Variants in SLC30A3 observed in about 807,000 individuals in gnomAD.
The protein encoded by SLC30A3 is solute carrier family 30 member 3.
A neutral mutation model predicts 35.6 loss-of-function variants in SLC30A3; 20 were observed. The observed-to-expected ratio is 0.56, with a 90% CI of 0.39 to 0.82. SLC30A3 has a LOEUF of 0.82. Ranked by LOEUF, SLC30A3 falls within the 40% of genes least tolerant of loss-of-function variation. The pLI, the probability that SLC30A3 is intolerant of heterozygous loss-of-function variation, is 0.00. For synonymous variants in SLC30A3, 217 were observed against 224.7 expected (o/e 0.97, Z 0.31); for missense variants, 401 against 530.6 (o/e 0.76, Z 2.40).
chr2:27,273,348 G>A (rs975090880), intron 1 of SLC30A3, among the ~76,000 whole-genome samples: 1 of 152,288 alleles, frequency 6.6e-6, no homozygotes, highest in African/African-American at 2.4e-5. Context: ...GTAGGACAGT[G>A]GTTCCAGAAA....
intron 1 of SLC30A3, among the ~76,000 whole-genome samples, chr2:27,269,935 G>A (rs1276580293): frequency 6.6e-6 from 1 of 152,108 alleles, no homozygotes; most frequent in Non-Finnish European, 1.5e-5. Context: ...GACCCAGTAA[G>A]GGAAACAGCA....
intron 6 of SLC30A3, 132 bp from the exon 7 acceptor site, chr2:27,256,652 A>G (rs1572468172): frequency 7.3e-7 from 1 of 1,375,730 alleles, no homozygotes; most frequent in East Asian, 2.3e-5. Context: ...CCCTATGCCC[A>G]AATCCTTGTT....
At position 27,257,221 on chromosome 2, in the gene SLC30A3, A is replaced by C; in HGVS notation, c.710T>G (p.Val237Gly). 2.5e-6 allele frequency: 4 copies of C among 1,614,066 alleles called. No individual in the cohort carries two copies. Among genetic ancestry groups the C allele is most frequent in the Non-Finnish European group, 3.4e-6 (4 of 1,179,974 alleles). ...CTGCAGGAGGTCCCCCAGCACGTGC[A>C]CAAATGCCGCCCGGACGCTGGTGTT... is the stretch of plus-strand genomic sequence containing the variant. ...LGNTSVRAAF[V>G]HVLGDLLQSF... The change falls in exon 5 of 8, where the codon GTG (valine) becomes GGG (glycine). Residue 237 changes from valine to glycine, a missense_variant. This residue lies in a region of SLC30A3 where 296 missense variants were observed against 392.6 expected (regional missense o/e 0.75). Transcript: ENST00000233535. This position sits in a 1 kb window ranked among gnomAD's most constrained non-coding sequence, Gnocchi z 4.7.
At chr2:27,275,231 A>G (rs1343749201) in exon 1 of SLC30A3, 11 of 1,303,862 alleles carry the variant, frequency 8.4e-6, no homozygotes, top group Non-Finnish European at 1.1e-5. Flanking sequence ...GAGTTGGGCC[A>G]TCAAGATGGG....
upstream of SLC30A3, chr2:27,275,381 G>A (rs576384360): frequency 4.1e-4 from 174 of 423,394 alleles, no homozygotes; most frequent in African/African-American, 3.4e-3. Context: ...TAAGTCCCAG[G>A]GCCAATGTGG....
chr2:27,263,903 G>A (rs1677360345), upstream of SLC30A3: 4 of 520,680 alleles, frequency 7.7e-6, no homozygotes, highest in Admixed American at 4.8e-5. Context: ...GCGGGGCAGC[G>A]TGTCAGCTAG....
chr2:27,266,545 A>G (rs1470600670), upstream of SLC30A3, among the ~76,000 whole-genome samples: 1 of 152,172 alleles, frequency 6.6e-6, no homozygotes, highest in East Asian at 1.9e-4. Flanking sequence ...CTGGGTACAT[A>G]GAGAGTCACT....
Position 27,262,482 on chromosome 2 carries a change from G to C in SLC30A3, c.95+330C>G, listed in dbSNP as rs1321020544. ...CAATGCGGACCTTGGCGCACCGGGC[G>C]AGGGCTCCGGCCCGACCGAGCGGCA... On this transcript the variant is annotated intron_variant, in intron 1 of 7. Transcript: ENST00000233535. This position sits in a 1 kb window ranked among gnomAD's most constrained non-coding sequence, Gnocchi z 7.5. Among the ~76,000 whole-genome samples the C allele has an allele frequency of 2.0e-5, 3 of 152,002 alleles. No homozygotes were observed. Among genetic ancestry groups the C allele is most frequent in the African/African-American group, 7.2e-5 (3 of 41,418 alleles).
upstream of SLC30A3, chr2:27,263,896 G>A (rs1006102855): frequency 2.2e-5 from 11 of 504,192 alleles, no homozygotes; most frequent in African/African-American, 2.2e-4. Flanking sequence ...AGGGGCAGCG[G>A]GGCAGCGTGT....
intron 1 of SLC30A3, among the ~76,000 whole-genome samples, chr2:27,259,467 T>C (rs1345547793): frequency 1.3e-5 from 2 of 149,458 alleles, no homozygotes; most frequent in African/African-American, 2.5e-5. Flanking sequence ...CACTCCAGCC[T>C]GGCAACAGAG....
chr2:27,272,025 G>A (rs1049123047), intron 1 of SLC30A3, among the ~76,000 whole-genome samples: 1 of 152,174 alleles, frequency 6.6e-6, no homozygotes, highest in Non-Finnish European at 1.5e-5. Flanking sequence ...GGATGCAATC[G>A]CCTCTTGGGT....
Position 27,255,304 on chromosome 2 carries a change from G to T in SLC30A3, c.*8C>A. ...GGCCTGGCAGTGGGGTGAGGGCAGG[G>T]CCATGGCTCAGGCTTGGGGGGGTTC... On this transcript the variant is annotated 3_prime_UTR_variant, in exon 8 of 8. Transcript: ENST00000233535. This position sits in a 1 kb window ranked among gnomAD's most constrained non-coding sequence, Gnocchi z 5.2. The T allele has an allele frequency of 6.2e-7, 1 of 1,613,818 alleles. No homozygotes were observed. The highest frequency in any genetic ancestry group is 8.5e-7 in the Non-Finnish European group (1 of 1,179,918).
At chr2:27,264,892 G>A (rs769261986), upstream of SLC30A3, among the ~76,000 whole-genome samples, 3 of 152,204 alleles carry the variant, frequency 2.0e-5, no homozygotes, top group African/African-American at 2.4e-5. The surrounding 1 kb of genome is among the most constrained non-coding windows in gnomAD (Gnocchi z 6.1). Context: ...CTCTGGGTAC[G>A]TCGGGCCCGG....
upstream of SLC30A3, among the ~76,000 whole-genome samples, chr2:27,264,584 G>A (rs1018742392): frequency 2.6e-5 from 4 of 152,174 alleles, no homozygotes; most frequent in Non-Finnish European, 4.4e-5. This position sits in a 1 kb window ranked among gnomAD's most constrained non-coding sequence, Gnocchi z 6.1. Context: ...AGAGCCACAG[G>A]GGCTGCGCGC....
Position 27,254,855 on chromosome 2 carries a change from C to A in SLC30A3, c.*457G>T. ...CAAAGTGCGGGCTTTGGGGCCCCTG[C>A]ATAGACAGAGCGAGGGCCATGTGGG... On this transcript the variant is annotated 3_prime_UTR_variant, in exon 8 of 8. Coordinates refer to ENST00000233535, the MANE Select transcript of SLC30A3 (RefSeq NM_003459.5). The A allele has an allele frequency of 3.0e-6, 1 of 330,754 alleles. No individual in the cohort carries two copies. The highest frequency in any genetic ancestry group is 5.8e-6 in the Non-Finnish European group (1 of 172,068). The allele number at this position is 330,754 out of a possible 1,614,324, so 20.5% of individuals were successfully genotyped here.
At chr2:27,270,111 A>G (rs1449109205) in intron 1 of SLC30A3, among the ~76,000 whole-genome samples, 1 of 152,200 alleles carries the variant, frequency 6.6e-6, no homozygotes, top group Non-Finnish European at 1.5e-5. Context: ...CTGAAATTTT[A>G]TCTGTTATTC....
At chr2:27,259,910 G>A (rs1677091150) in intron 1 of SLC30A3, among the ~76,000 whole-genome samples, 1 of 152,204 alleles carries the variant, frequency 6.6e-6, no homozygotes, top group Admixed American at 6.5e-5. Flanking sequence ...AGGGTTCTGA[G>A]GATGGAGGGC....
chr2:27,262,709 C>A lies in SLC30A3; in HGVS notation c.95+103G>T. The A allele has an allele frequency of 8.6e-7, 1 of 1,161,656 alleles. No homozygotes were observed. The highest frequency in any genetic ancestry group is 1.2e-6 in the Non-Finnish European group (1 of 863,728). 72.0% of individuals were successfully genotyped at this position (1,161,656 alleles called of 1,614,324 possible). A position where few individuals can be genotyped will look rare whatever the true frequency, so the allele number is the denominator to read the frequency against. ...GCAGCGGAGCGAGGGACCCGCGGTGCGCTGGGGCGGCCGCCGGGGCCCGCG... is the reference window on the plus strand; with the variant it reads ...GCAGCGGAGCGAGGGACCCGCGGTGAGCTGGGGCGGCCGCCGGGGCCCGCG... On this transcript the variant is annotated intron_variant, in intron 1 of 7. Transcript: ENST00000233535. This position sits in a 1 kb window ranked among gnomAD's most constrained non-coding sequence, Gnocchi z 7.5.
rs1282119955 is a variant in SLC30A3 at position 27,255,849 on chromosome 2, C to T, written c.1019-389G>A. On this transcript the variant is annotated intron_variant, in intron 7 of 7. Coordinates refer to ENST00000233535, the MANE Select transcript of SLC30A3 (RefSeq NM_003459.5). This position sits in a 1 kb window ranked among gnomAD's most constrained non-coding sequence, Gnocchi z 5.2. ...TATTTTTGGCATACAAATTGCATGACTCTGATTGCTTCTTGCATCTGGAAG... is the reference window on the plus strand; with the variant it reads ...TATTTTTGGCATACAAATTGCATGATTCTGATTGCTTCTTGCATCTGGAAG... 4.5e-6 allele frequency: 1 copy of T among 221,416 alleles called. No individual in the cohort carries two copies. The highest frequency in any genetic ancestry group is 5.2e-5 in the Admixed American group (1 of 19,362). 13.7% of individuals were successfully genotyped at this position (221,416 alleles called of 1,614,324 possible).
Sources: allele counts gnomAD v4.1 joint callset (sites outside exome capture counted in the v4.1 genomes callset), GRCh38; gene constraint gnomAD v4.1.1; regional missense constraint gnomAD v4.1.1; non-coding constraint Gnocchi (gnomAD v3.1); transcripts MANE v1.5; gene names NCBI Gene and HGNC (gene_info 2026-07-23, HGNC 2026-07-21).